Variants in CNTNAP2 observed in about 807,000 individuals in gnomAD.
The protein encoded by CNTNAP2 is contactin-associated protein-like 2.
CNTNAP2 carries 98 observed loss-of-function variants against 155.2 expected under a neutral mutation model. The observed-to-expected ratio is 0.63, with a 90% CI of 0.54 to 0.75. The LOEUF (loss-of-function observed/expected upper bound fraction) is 0.75. Ranked by LOEUF, CNTNAP2 falls within the 30% of genes least tolerant of loss-of-function variation. The probability of loss-of-function intolerance (pLI) is 0.00; values close to 1 mark genes in which losing one functional copy is unlikely to be tolerated. For missense variants in CNTNAP2, 1,727 were observed against 1,688.1 expected, an observed-to-expected ratio of 1.02 and a Z score of -0.40; for synonymous variants, 651 against 631.2, an observed-to-expected ratio of 1.03 and a Z score of -0.47.
chr7:146,504,091 A>T (rs1055348380), intron 1 of CNTNAP2, among the ~76,000 whole-genome samples: 1 of 152,246 alleles, frequency 6.6e-6, no homozygotes, highest in East Asian at 1.9e-4. Flanking sequence ...CCACTGTGTC[A>T]TGCTGTACCA....
At chr7:147,954,806 AGAGT>A in intron 14 of CNTNAP2, among the ~76,000 whole-genome samples, 1 of 152,350 alleles carries the variant, frequency 6.6e-6, no homozygotes, top group Middle Eastern at 3.4e-3. Context: ...GAGTCTAGTT[AGAGT>A]GAGTTAACAA....
chr7:147,590,489 C>A (rs1800716867), intron 12 of CNTNAP2, among the ~76,000 whole-genome samples: 1 of 152,140 alleles, frequency 6.6e-6, no homozygotes, highest in African/African-American at 2.4e-5. Flanking sequence ...TGAAGAGGTG[C>A]CTTCCGCCAT....
intron 1 of CNTNAP2, among the ~76,000 whole-genome samples, chr7:146,390,973 A>AAAAATACAAAAATTAGCT (rs1311958580): frequency 1.7e-3 from 257 of 147,496 alleles, no homozygotes; most frequent in Admixed American, 3.2e-3. Flanking sequence ...AGGCTGAGGC[A>AAAAATACAAAAATTAGCT]GGAGAATTGC....
chr7:147,404,972 A>C (rs1289557702), intron 10 of CNTNAP2, among the ~76,000 whole-genome samples: 1 of 152,188 alleles, frequency 6.6e-6, no homozygotes, highest in Non-Finnish European at 1.5e-5. Context: ...GAAAAGAAAA[A>C]AGTTGAATTA....
intron 20 of CNTNAP2, among the ~76,000 whole-genome samples, chr7:148,247,480 T>C (rs1420396243): frequency 3.3e-5 from 5 of 151,922 alleles, no homozygotes; most frequent in Non-Finnish European, 7.4e-5. Context: ...ATATTTCTCT[T>C]ACTTTAAAAC....
intron 3 of CNTNAP2, among the ~76,000 whole-genome samples, chr7:146,998,602 A>G (rs944771504): frequency 4.6e-5 from 7 of 151,988 alleles, no homozygotes; most frequent in African/African-American, 1.7e-4. Flanking sequence ...TTCAGTCTGG[A>G]TGAACTATCC....
chr7:148,185,058 G>A (rs1795094848), intron 18 of CNTNAP2, among the ~76,000 whole-genome samples: 1 of 152,188 alleles, frequency 6.6e-6, no homozygotes, highest in African/African-American at 2.4e-5. Context: ...TATCTGTGTT[G>A]TTAGTGTTGC....
chr7:146,932,105 G>T (rs1796773551), intron 3 of CNTNAP2, among the ~76,000 whole-genome samples: 1 of 151,948 alleles, frequency 6.6e-6, no homozygotes, highest in Non-Finnish European at 1.5e-5. Flanking sequence ...GCATCATCCT[G>T]ATACCAAAGC....
At chr7:147,503,257 A>C (rs1448850292) in intron 11 of CNTNAP2, among the ~76,000 whole-genome samples, 2 of 151,906 alleles carry the variant, frequency 1.3e-5, no homozygotes, top group African/African-American at 4.8e-5. Flanking sequence ...CCTTCTTCAC[A>C]CAGCCACGTT....
intron 1 of CNTNAP2, among the ~76,000 whole-genome samples, chr7:146,477,208 A>C (rs1388441052): frequency 6.6e-6 from 1 of 152,180 alleles, no homozygotes; most frequent in Non-Finnish European, 1.5e-5. Context: ...CTAGTCATGA[A>C]ATTGAGGAAA....
At chr7:147,314,207 A>T (rs893794889) in intron 9 of CNTNAP2, among the ~76,000 whole-genome samples, 12 of 152,230 alleles carry the variant, frequency 7.9e-5, no homozygotes, top group African/African-American at 2.6e-4. Flanking sequence ...GAAAATTTGA[A>T]GTGTTTTTGG....
intron 1 of CNTNAP2, among the ~76,000 whole-genome samples, chr7:146,528,855 G>A (rs777155885): frequency 9.9e-5 from 15 of 152,050 alleles, no homozygotes; most frequent in Non-Finnish European, 1.8e-4. Context: ...CAGTTACACC[G>A]AATGCTGACT....
intron 17 of CNTNAP2, among the ~76,000 whole-genome samples, chr7:148,151,052 T>C (rs1180964368): frequency 6.6e-6 from 1 of 152,098 alleles, no homozygotes; most frequent in Non-Finnish European, 1.5e-5. Context: ...TATTACATGC[T>C]TGGTAATGAT....
At chr7:147,220,612 A>G (rs1452976502) in intron 8 of CNTNAP2, among the ~76,000 whole-genome samples, 1 of 151,916 alleles carries the variant, frequency 6.6e-6, no homozygotes, top group African/African-American at 2.4e-5. Flanking sequence ...CTTTGTTCCT[A>G]TTTTTGTCTT....
chr7:147,534,971 G>A (rs749856857), intron 11 of CNTNAP2, among the ~76,000 whole-genome samples: 2 of 152,014 alleles, frequency 1.3e-5, no homozygotes, highest in African/African-American at 2.4e-5. Context: ...GGAAGCTGGG[G>A]TCTGGGGCCT....
At chr7:148,362,184 A>G (rs963379662) in intron 21 of CNTNAP2, among the ~76,000 whole-genome samples, 1 of 143,708 alleles carries the variant, frequency 7.0e-6, no homozygotes, top group African/African-American at 2.5e-5. Flanking sequence ...TGGGCAATAG[A>G]GGGAGACTCC....
intron 1 of CNTNAP2, among the ~76,000 whole-genome samples, chr7:146,495,507 G>A (rs908726746): frequency 9.3e-5 from 14 of 150,408 alleles, no homozygotes; most frequent in African/African-American, 3.2e-4. Flanking sequence ...AAATAATGAA[G>A]GCAAGCAGAA....
chr7:146,415,237 TAC>T (rs1795922437), intron 1 of CNTNAP2, among the ~76,000 whole-genome samples: 1 of 151,634 alleles, frequency 6.6e-6, no homozygotes, highest in Non-Finnish European at 1.5e-5. Flanking sequence ...CACACACACA[TAC>T]ACACACACAT....
chr7:148,414,323 G>A (rs1336941976), intron 23 of CNTNAP2, among the ~76,000 whole-genome samples: 6 of 151,850 alleles, frequency 4.0e-5, no homozygotes, highest in South Asian at 2.1e-4. Context: ...CAAGTAATCC[G>A]CCCGCCTCAG....
Sources: gnomAD v4.1 joint callset for allele counts (sites outside exome capture counted in the v4.1 genomes callset) on GRCh38, gnomAD v4.1.1 for gene constraint, MANE v1.5 for transcripts, NCBI Gene and HGNC (gene_info 2026-07-23, HGNC 2026-07-21) for gene names.